Variants in ADCY10 observed in about 807,000 individuals in gnomAD.
The protein encoded by ADCY10 is adenylate cyclase 10.
Under a neutral mutation model 183.3 loss-of-function variants are expected in ADCY10, and 156 were observed. The ratio of observed to expected loss-of-function variants is 0.85; its 90% CI spans 0.75 to 0.97. The LOEUF is 0.97. ADCY10 is among the 50% of genes least tolerant of loss of function. ADCY10 has a pLI of 0.00. For synonymous variants in ADCY10, 645 were observed against 670.0 expected (o/e 0.96, Z 0.58); for missense variants, 1,745 against 1,934.3 (o/e 0.90, Z 1.84).
intron 1 of ADCY10, among the ~76,000 whole-genome samples, chr1:167,913,520 TA>T (rs1186476736): frequency 3.9e-5 from 6 of 152,244 alleles, no homozygotes; most frequent in Non-Finnish European, 5.9e-5. Context: ...TGTCTACACT[TA>T]AGTGGCTTAT....
At chr1:167,841,161 T>A (rs1283699882) in intron 21 of ADCY10, among the ~76,000 whole-genome samples, 1 of 152,042 alleles carries the variant, frequency 6.6e-6, no homozygotes, top group Non-Finnish European at 1.5e-5. Context: ...TGGTTTGTCT[T>A]GAACTCTTGA....
Position 167,809,704 on chromosome 1 carries a change from C to T in ADCY10, c.4807G>A (p.Ala1603Thr). ...TAGAAATGATTGTCCACGGTATTAG[C>T]TCTCATCAGGAATTTGTTTTTTTGA... ...DLQKNKFLMR[A>T]NTVDNHF The change falls in exon 33 of 33, where the codon GCT becomes ACT. Residue 1603 changes from alanine (A) to threonine (T), a missense_variant. Coordinates refer to ENST00000367851, the MANE Select transcript of ADCY10 (RefSeq NM_018417.6). The T allele has an allele frequency of 6.2e-7, 1 of 1,614,138 alleles. No homozygotes were observed. The highest frequency in any genetic ancestry group is 1.1e-5 in the South Asian group (1 of 91,078).
chr1:167,853,746 A>C (rs1412328894), intron 18 of ADCY10, among the ~76,000 whole-genome samples: 1 of 151,932 alleles, frequency 6.6e-6, no homozygotes, highest in Non-Finnish European at 1.5e-5. Context: ...AAAAAAGGAA[A>C]GGCTTTTTGA....
chr1:167,827,502 A>T (rs1663396269), intron 26 of ADCY10, among the ~76,000 whole-genome samples: 1 of 151,296 alleles, frequency 6.6e-6, no homozygotes, highest in Non-Finnish European at 1.5e-5. Context: ...GAGCAAGGTC[A>T]CTCTCATTAG....
In ADCY10 at chr1:167,809,696, G is replaced by A. The variant is rs146952021; in HGVS notation, c.4815C>T (p.Thr1605=). The change falls in exon 33 of 33, where the codon ACC becomes ACT. Residue 1605 remains threonine, a synonymous_variant. Coordinates refer to ENST00000367851, the MANE Select transcript of ADCY10 (RefSeq NM_018417.6). ...TGACATGTTAGAAATGATTGTCCAC[G>A]GTATTAGCTCTCATCAGGAATTTGT... ...QKNKFLMRAN[T]VDNHF 204 of 1,614,032 alleles carry A rather than the reference G, an allele frequency of 1.3e-4. 1 individual carries two copies. The African/African-American group carries it at 1.3e-3, about 10-fold the overall frequency.
chr1:167,827,709 A>T (rs1571232648), intron 26 of ADCY10, among the ~76,000 whole-genome samples: 1 of 29,022 alleles, frequency 3.4e-5, no homozygotes, highest in African/African-American at 1.8e-4. Flanking sequence ...TTTAAATTTA[A>T]AAAAAAAAAA....
At position 167,814,500 on chromosome 1, in the gene ADCY10, C is replaced by G. The variant is rs981143758; in HGVS notation, c.4482+3572G>C. On this transcript the variant is annotated intron_variant, in intron 31 of 32. Transcript: ENST00000367851. ...TAAACATTTATGCATCCAATAAGAT[C>G]GTCAATATATATGAAGCAAAAACTG... Among the ~76,000 whole-genome samples, 3 of 151,080 alleles carry G rather than the reference C, an allele frequency of 2.0e-5. No individual in the cohort carries two copies. In the East Asian group the frequency reaches 5.8e-4, roughly 29 times the overall value.
chr1:167,881,591 C>G lies in ADCY10; in HGVS notation c.1021-982G>C, dbSNP rs1041662411. Among the ~76,000 whole-genome samples the G allele has an allele frequency of 5.9e-5, 9 of 152,130 alleles. No homozygotes were observed. In the East Asian group the frequency reaches 1.7e-3, roughly 29 times the overall value. On this transcript the variant is annotated intron_variant, in intron 9 of 32. Coordinates refer to ENST00000367851, the MANE Select transcript of ADCY10 (RefSeq NM_018417.6). Reference sequence around the variant, plus strand: ...CGGCCTGGCAAGAGCTTTTGATTCCCCCTAGCAATGGAATGACAGCTCTCA... The same window carrying G: ...CGGCCTGGCAAGAGCTTTTGATTCCGCCTAGCAATGGAATGACAGCTCTCA...
intron 30 of ADCY10, among the ~76,000 whole-genome samples, chr1:167,821,537 C>A (rs760497761): frequency 2.0e-5 from 3 of 152,224 alleles, no homozygotes; most frequent in Non-Finnish European, 4.4e-5. Context: ...TGTGAGTAGA[C>A]CTACAGTTTT....
In ADCY10 at chr1:167,837,243, C is replaced by T. The variant is rs765926077; in HGVS notation, c.3077+6G>A. The T allele has an allele frequency of 2.5e-6, 4 of 1,609,624 alleles. No individual in the cohort carries two copies. In the South Asian group the frequency reaches 3.3e-5, roughly 13 times the overall value. ...CTACTTCCTAAACAATGATATATGC[C>T]TCTACCTGCGATTTTCAGGAAAAAA... On this transcript the variant is annotated splice_donor_region_variant and intron_variant, in intron 22 of 32. Transcript: ENST00000367851.
At chr1:167,891,566 G>A (rs2102340314) in intron 8 of ADCY10, among the ~76,000 whole-genome samples, 1 of 151,058 alleles carries the variant, frequency 6.6e-6, no homozygotes, top group African/African-American at 2.4e-5. Flanking sequence ...TGAGGCAGGA[G>A]AATGGCATGA....
intron 13 of ADCY10, among the ~76,000 whole-genome samples, chr1:167,872,317 A>T (rs899586666): frequency 1.3e-5 from 2 of 151,764 alleles, no homozygotes; most frequent in African/African-American, 4.8e-5. Flanking sequence ...CAGCCTGGGC[A>T]ACAAGAGCAA....
intron 8 of ADCY10, among the ~76,000 whole-genome samples, chr1:167,892,052 C>T (rs1415123066): frequency 6.6e-6 from 1 of 151,578 alleles, no homozygotes; most frequent in Non-Finnish European, 1.5e-5. Flanking sequence ...CGGCTCACTG[C>T]AAGCTCCGTC....
intron 12 of ADCY10, among the ~76,000 whole-genome samples, chr1:167,875,882 G>C (rs570389712): frequency 1.3e-5 from 2 of 152,126 alleles, no homozygotes; most frequent in Non-Finnish European, 2.9e-5. Flanking sequence ...GAACCCGGGA[G>C]GGGGAGCTTG....
At position 167,860,881 on chromosome 1, in the gene ADCY10, A is replaced by G. The variant is rs1300964741; in HGVS notation, c.1799T>C (p.Phe600Ser). The part of the protein sequence containing the change: ...EKFYCLLNDI[F>S]HVQFPISREI... The stretch of plus-strand genomic sequence containing the variant: ...ATACTAGCTAGTTACCTGAACATGG[A>G]AAATGTCATTAAGAAGACAGTAGAA... Residue 600 changes from phenylalanine (F) to serine (S), a missense_variant, in exon 15 of 33, where the codon TTC (phenylalanine) becomes TCC (serine). Transcript: ENST00000367851. 1 of 1,613,954 alleles carries G rather than the reference A, an allele frequency of 6.2e-7. No individual in the cohort carries two copies. The highest frequency in any genetic ancestry group is 1.7e-5 in the Admixed American group (1 of 60,016).
intron 31 of ADCY10, among the ~76,000 whole-genome samples, chr1:167,814,499 T>C (rs1373852011): frequency 6.6e-6 from 1 of 151,640 alleles, no homozygotes; most frequent in Admixed American, 6.6e-5. Flanking sequence ...TCCAATAAGA[T>C]CGTCAATATA....
chr1:167,878,568 G>C lies in ADCY10; in HGVS notation c.1284C>G (p.Asp428Glu). 4 of 1,614,170 alleles carry C rather than the reference G, an allele frequency of 2.5e-6. No homozygotes were observed. The highest frequency in any genetic ancestry group is 3.4e-6 in the Non-Finnish European group (4 of 1,180,032). The change falls in exon 12 of 33, where the codon GAC becomes GAG. Residue 428 changes from aspartate to glutamate, a missense_variant. Coordinates refer to ENST00000367851, the MANE Select transcript of ADCY10 (RefSeq NM_018417.6). ...MMYYPGIVTC[D>E]SVTYNGSNLP... ...GGTTGCTCCCATTGTAGGTGACAGA[G>C]TCGCAGGTCACAATTCCTGGGTAGT... is the stretch of plus-strand genomic sequence containing the variant.
chr1:167,836,912 T>G, intron 22 of ADCY10: 1 of 356,352 alleles, frequency 2.8e-6, no homozygotes, highest in South Asian at 2.8e-5. Flanking sequence ...GTAGTCCCAG[T>G]TATTCAGGAG....
At chr1:167,868,244 A>G (rs1209005116) in intron 14 of ADCY10, among the ~76,000 whole-genome samples, 1 of 152,094 alleles carries the variant, frequency 6.6e-6, no homozygotes, top group African/African-American at 2.4e-5. Flanking sequence ...AGAAACTGTA[A>G]TAAGAGATCA....
Sources: allele counts gnomAD v4.1 joint callset (sites outside exome capture counted in the v4.1 genomes callset), GRCh38; gene constraint gnomAD v4.1.1; transcripts MANE v1.5; gene names NCBI Gene and HGNC (gene_info 2026-07-23, HGNC 2026-07-21).